The following CACNA2D2 variants were observed in gnomAD, a reference collection of about 807,000 sequenced individuals.
CACNA2D2 encodes the protein voltage-dependent calcium channel subunit alpha-2/delta-2.
CACNA2D2 carries 48 observed loss-of-function variants against 166.4 expected under a neutral mutation model. That is an observed-to-expected ratio of 0.29 (90% CI 0.23 to 0.37). The LOEUF is 0.37. Ranked by LOEUF, CACNA2D2 falls within the 10% of genes least tolerant of loss-of-function variation. The pLI, the probability that CACNA2D2 is intolerant of heterozygous loss-of-function variation, is 1.00. For synonymous variants in CACNA2D2, 561 were observed against 573.7 expected (o/e 0.98, Z 0.32); for missense variants, 1,122 against 1,433.0 (o/e 0.78, Z 3.50).
intron 2 of CACNA2D2, among the ~76,000 whole-genome samples, chr3:50,449,875 TG>T (rs1346884652): frequency 6.6e-6 from 1 of 152,204 alleles, no homozygotes; most frequent in East Asian, 1.9e-4. Context: ...GGCTGGGTTC[TG>T]GGGCTTCACC....
chr3:50,468,379 TA>T (rs1709912887), intron 2 of CACNA2D2, among the ~76,000 whole-genome samples: 8 of 68,856 alleles, frequency 1.2e-4, no homozygotes, highest in African/African-American at 3.9e-4. Context: ...TTCATCAGAA[TA>T]GTGTGTGTGT....
At chr3:50,477,353 T>A (rs1472210092) in intron 1 of CACNA2D2, among the ~76,000 whole-genome samples, 2 of 152,232 alleles carry the variant, frequency 1.3e-5, no homozygotes, top group African/African-American at 4.8e-5. Context: ...GCGTGTTCGC[T>A]GCATGGGGAT....
intron 1 of CACNA2D2, among the ~76,000 whole-genome samples, chr3:50,481,308 C>T (rs1182998113): frequency 1.3e-5 from 2 of 152,134 alleles, no homozygotes; most frequent in Non-Finnish European, 2.9e-5. Context: ...CGAGCTCTGC[C>T]TCTGTGGGCC....
rs1257063496 is a variant in CACNA2D2, at chr3:50,364,034, A to G, written c.*632T>C. 2 of 152,986 alleles carry G rather than the reference A, an allele frequency of 1.3e-5. No individual in the cohort carries two copies. The highest frequency in any genetic ancestry group is 2.4e-5 in the African/African-American group (1 of 41,418). The allele number at this position is 152,986 out of a possible 1,614,324, so 9.5% of individuals were successfully genotyped here. On this transcript the variant is annotated 3_prime_UTR_variant, in exon 38 of 38. Transcript: ENST00000424201. The stretch of plus-strand genomic sequence containing the variant: ...TGCGTGTGCCCAGTGGGGTATGTCG[A>G]ATGTGAGTCCAGTTTCCATCCTCAA...
Position 50,377,745 on chromosome 3 carries a change from G to A in CACNA2D2, c.1538C>T (p.Pro513Leu), listed in dbSNP as rs1559888047. 6.2e-7 allele frequency: 1 copy of A among 1,613,010 alleles called. No individual in the cohort carries two copies. Among genetic ancestry groups the A allele is most frequent in the East Asian group, 2.2e-5 (1 of 44,858 alleles). The stretch of plus-strand genomic sequence containing the variant: ...CCCTTTCCTCACCTTCTTTTCCCCA[G>A]GGCCATCCTGTGTCAGGTTGAAAAC... ...LPVFNLTQDG[P>L]GEKKNQLILG... The change falls in exon 16 of 38, where the codon CCT becomes CTT. Residue 513 changes from proline (P) to leucine (L), a missense_variant. Around this residue, in one of 2 missense-constraint regions of CACNA2D2, gnomAD observed 840 missense variants for 1,166.8 expected, o/e 0.72. Coordinates refer to ENST00000424201, the MANE Select transcript of CACNA2D2 (RefSeq NM_006030.4).
At chr3:50,382,060 G>A (rs1032200164) in intron 6 of CACNA2D2, among the ~76,000 whole-genome samples, 5 of 150,992 alleles carry the variant, frequency 3.3e-5, no homozygotes, top group Non-Finnish European at 7.4e-5. Context: ...CCAATCCTGC[G>A]GACCCTTCAA....
At chr3:50,501,695 G>A (rs1031992039) in intron 1 of CACNA2D2, among the ~76,000 whole-genome samples, 2 of 152,122 alleles carry the variant, frequency 1.3e-5, no homozygotes, top group Non-Finnish European at 2.9e-5. Context: ...GCTATGAAAC[G>A]GCTAAGAAAA....
At chr3:50,457,566 T>C (rs1011170033) in intron 2 of CACNA2D2, among the ~76,000 whole-genome samples, 2 of 152,188 alleles carry the variant, frequency 1.3e-5, no homozygotes, top group Non-Finnish European at 2.9e-5. Context: ...CCAGGTGCTC[T>C]GGTCCAGCTG....
intron 3 of CACNA2D2, chr3:50,415,815 GAC>G (rs1180141875): frequency 6.6e-6 from 1 of 152,290 alleles, no homozygotes; most frequent in Non-Finnish European, 1.5e-5. Context: ...TGGCTGCACA[GAC>G]ACTCCAGTGC....
chr3:50,494,072 G>A (rs1170308060), intron 1 of CACNA2D2, among the ~76,000 whole-genome samples: 2 of 152,188 alleles, frequency 1.3e-5, no homozygotes, highest in African/African-American at 4.8e-5. Flanking sequence ...GCCCAAAAGG[G>A]AGACACTCCA....
At chr3:50,491,951 C>T (rs1467883449) in intron 1 of CACNA2D2, among the ~76,000 whole-genome samples, 4 of 152,180 alleles carry the variant, frequency 2.6e-5, no homozygotes, top group Non-Finnish European at 2.9e-5. Flanking sequence ...GGAACAGAGC[C>T]AGAGAGTAAT....
At chr3:50,388,086 G>A (rs970680123) in intron 4 of CACNA2D2, among the ~76,000 whole-genome samples, 1 of 152,192 alleles carries the variant, frequency 6.6e-6, no homozygotes, top group Non-Finnish European at 1.5e-5. Flanking sequence ...TGTGAAATGC[G>A]AGGGGGTTTC....
intron 2 of CACNA2D2, among the ~76,000 whole-genome samples, chr3:50,442,341 G>T (rs1214725878): frequency 6.6e-6 from 1 of 152,236 alleles, no homozygotes; most frequent in Non-Finnish European, 1.5e-5. Flanking sequence ...CATCCACGAT[G>T]TATCTCCAAG....
chr3:50,471,395 A>T (rs1710089325), intron 2 of CACNA2D2, among the ~76,000 whole-genome samples: 1 of 152,110 alleles, frequency 6.6e-6, no homozygotes, highest in South Asian at 2.1e-4. Context: ...TAGGGGGGAC[A>T]GCTTCTTGTG....
intron 1 of CACNA2D2, among the ~76,000 whole-genome samples, chr3:50,486,170 G>A (rs1010915950): frequency 5.3e-5 from 8 of 152,168 alleles, no homozygotes; most frequent in African/African-American, 1.9e-4. Context: ...TGCTGAAATG[G>A]GGGAGCCACG....
rs542005671 is a variant in CACNA2D2, at chr3:50,470,493, C to A, written c.288+5625G>T. Reference sequence around the variant, plus strand: ...TGGGCGACCTAAGCCAGTCAGCTGGCCCAGGCCAGATGCCTGCCATGGATG... The same window carrying A: ...TGGGCGACCTAAGCCAGTCAGCTGGACCAGGCCAGATGCCTGCCATGGATG... On this transcript the variant is annotated intron_variant, in intron 2 of 37. Coordinates refer to ENST00000424201, the MANE Select transcript of CACNA2D2 (RefSeq NM_006030.4). Among the ~76,000 whole-genome samples, 8 of 151,842 alleles carry A rather than the reference C, an allele frequency of 5.3e-5. No homozygotes were observed. The East Asian group carries it at 1.6e-3, about 30-fold the overall frequency.
intron 2 of CACNA2D2, among the ~76,000 whole-genome samples, chr3:50,443,791 C>T (rs1708716078): frequency 6.6e-6 from 1 of 152,226 alleles, no homozygotes; most frequent in South Asian, 2.1e-4. Context: ...AGTAAAGCCC[C>T]CTTTACCCAC....
At chr3:50,492,381 C>A (rs1698556431) in intron 1 of CACNA2D2, among the ~76,000 whole-genome samples, 1 of 152,246 alleles carries the variant, frequency 6.6e-6, no homozygotes, top group African/African-American at 2.4e-5. Context: ...TGAATGGCCT[C>A]CTTCAGGCCT....
intron 4 of CACNA2D2, 60 bp from the exon 5 acceptor site, chr3:50,387,672 C>T: frequency 7.3e-7 from 1 of 1,369,068 alleles, no homozygotes. Flanking sequence ...AGACAGGACT[C>T]CTAGCCCCAA....
Sources: gnomAD v4.1 joint callset for allele counts (sites outside exome capture counted in the v4.1 genomes callset) on GRCh38, gnomAD v4.1.1 for gene constraint, gnomAD v4.1.1 regional missense constraint, MANE v1.5 for transcripts, NCBI Gene and HGNC (gene_info 2026-07-23, HGNC 2026-07-21) for gene names.